The following D2HGDH variants were observed in gnomAD, a reference collection of about 807,000 sequenced individuals.
D2HGDH encodes D-2-hydroxyglutarate dehydrogenase, mitochondrial.
In D2HGDH, 31 loss-of-function variants were observed where a neutral mutation model predicts 46.9. The ratio of observed to expected loss-of-function variants is 0.66; its 90% CI spans 0.50 to 0.89. The LOEUF (loss-of-function observed/expected upper bound fraction) is 0.89, where lower values mean the gene tolerates loss of function less well. Among genes scored for constraint, D2HGDH ranks in the 40% least tolerant of loss-of-function variants. D2HGDH has a pLI of 0.00. For missense variants in D2HGDH, 698 were observed against 720.8 expected (o/e 0.97, Z 0.36); for synonymous variants, 364 against 332.6 (o/e 1.09, Z -1.03).
At chr2:241,736,594 T>C (rs1692892635) in intron 2 of D2HGDH, among the ~76,000 whole-genome samples, 1 of 152,226 alleles carries the variant, frequency 6.6e-6, no homozygotes, top group Admixed American at 6.5e-5. Flanking sequence ...TCTCATTGGA[T>C]TGAGGGCCCA....
intron 9 of D2HGDH, among the ~76,000 whole-genome samples, chr2:241,761,322 G>A (rs989843671): frequency 1.3e-5 from 2 of 151,988 alleles, no homozygotes; most frequent in Non-Finnish European, 2.9e-5. Flanking sequence ...GTGGATCACC[G>A]GAGGTCAGGA....
Position 241,767,697 on chromosome 2 carries a change from C to G in D2HGDH, c.1307-13C>G. On this transcript the variant is annotated splice_polypyrimidine_tract_variant and intron_variant, in intron 9 of 9. Transcript: ENST00000321264. Reference sequence around the variant, plus strand: ...CCCTGCCCAGCCTGACCCATGTGCCCTTGTCCCTCCAGGAGATGGTAACCT... The same window carrying G: ...CCCTGCCCAGCCTGACCCATGTGCCGTTGTCCCTCCAGGAGATGGTAACCT... 6.2e-7 allele frequency: 1 copy of G among 1,612,538 alleles called. No homozygotes were observed. The highest frequency in any genetic ancestry group is 1.1e-5 in the South Asian group (1 of 91,042).
At chr2:241,738,557 G>A (rs576493051) in intron 2 of D2HGDH, among the ~76,000 whole-genome samples, 135 of 152,112 alleles carry the variant, frequency 8.9e-4, no homozygotes, top group African/African-American at 3.1e-3. Flanking sequence ...TGCAGGAGCG[G>A]GGAGGAAGCT....
intron 9 of D2HGDH, among the ~76,000 whole-genome samples, chr2:241,760,675 G>T (rs1191333426): frequency 1.3e-5 from 2 of 151,358 alleles, no homozygotes; most frequent in South Asian, 4.2e-4. Context: ...TCAGTCGAAG[G>T]ACTTCGACAC....
intron 9 of D2HGDH, among the ~76,000 whole-genome samples, chr2:241,761,574 T>C (rs912821837): frequency 2.0e-5 from 3 of 152,182 alleles, no homozygotes; most frequent in Non-Finnish European, 2.9e-5. Flanking sequence ...GTGTGTAGTT[T>C]ATATGCAAAT....
intron 6 of D2HGDH, among the ~76,000 whole-genome samples, chr2:241,748,428 C>T (rs984337779): frequency 3.3e-5 from 5 of 152,168 alleles, no homozygotes; most frequent in Non-Finnish European, 5.9e-5. Context: ...GCCTCTTCAG[C>T]GGTTTCTTTG....
intron 6 of D2HGDH, among the ~76,000 whole-genome samples, chr2:241,745,905 T>C (rs1695742456): frequency 6.6e-6 from 1 of 152,236 alleles, no homozygotes; most frequent in African/African-American, 2.4e-5. Flanking sequence ...GCCTCCTCGC[T>C]GTTGGGAACT....
At chr2:241,749,705 T>C in intron 6 of D2HGDH, 1 of 332,612 alleles carries the variant, frequency 3.0e-6, no homozygotes, top group South Asian at 2.4e-5. Flanking sequence ...TCTCAGGTGC[T>C]GTGTGGTTCT....
chr2:241,756,365 G>T (rs1330386482), intron 9 of D2HGDH, among the ~76,000 whole-genome samples: 1 of 152,214 alleles, frequency 6.6e-6, no homozygotes, highest in Non-Finnish European at 1.5e-5. Context: ...CCTCTCACAG[G>T]GCCCGGCCCC....
rs1212525534 is a variant in D2HGDH, at chr2:241,768,783, T to C, written c.*814T>C. The stretch of plus-strand genomic sequence containing the variant: ...GATGCACATCTCATTCTGTCATGAA[T>C]GTCCAGTAAAAATCTGAATTGGTTG... On this transcript the variant is annotated 3_prime_UTR_variant, in exon 10 of 10. Coordinates refer to ENST00000321264, the MANE Select transcript of D2HGDH (RefSeq NM_152783.5). The C allele has an allele frequency of 6.6e-6, 1 of 152,276 alleles. No homozygotes were observed. The highest frequency in any genetic ancestry group is 1.9e-4 in the East Asian group (1 of 5,198). The allele number at this position is 152,276 out of a possible 1,614,324, so 9.4% of individuals were successfully genotyped here.
At chr2:241,757,959 CAA>C (rs534217783) in intron 9 of D2HGDH, among the ~76,000 whole-genome samples, 26 of 83,252 alleles carry the variant, frequency 3.1e-4, no homozygotes, top group Admixed American at 2.6e-4. Context: ...AACTCCATCT[CAA>C]AAAAAAAAAA....
intron 2 of D2HGDH, among the ~76,000 whole-genome samples, chr2:241,740,710 G>T (rs968906254): frequency 1.6e-4 from 24 of 152,318 alleles, no homozygotes; most frequent in African/African-American, 5.8e-4. Flanking sequence ...ACTTTGGGAG[G>T]CCGCAGTGGG....
At chr2:241,760,692 G>A (rs1428777552) in intron 9 of D2HGDH, among the ~76,000 whole-genome samples, 4 of 152,200 alleles carry the variant, frequency 2.6e-5, no homozygotes, top group African/African-American at 7.2e-5. Context: ...ACACAGCGTG[G>A]GTGGGCCTTA....
chr2:241,745,775 G>A (rs571252678), intron 6 of D2HGDH, among the ~76,000 whole-genome samples: 47 of 152,186 alleles, frequency 3.1e-4, no homozygotes, highest in African/African-American at 1.1e-3. Context: ...CACTTCTGGC[G>A]TGTCTGAAAA....
intron 6 of D2HGDH, among the ~76,000 whole-genome samples, chr2:241,745,687 G>A (rs1339089287): frequency 1.3e-5 from 2 of 152,122 alleles, no homozygotes; most frequent in Admixed American, 6.6e-5. Context: ...TCTTGTGTCC[G>A]ATCTTCTGTC....
chr2:241,758,370 C>G (rs62192029), intron 9 of D2HGDH, among the ~76,000 whole-genome samples: 1 of 152,184 alleles, frequency 6.6e-6, no homozygotes, highest in Non-Finnish European at 1.5e-5. Flanking sequence ...TTAGGACTTT[C>G]AAGCTTTCCT....
intron 6 of D2HGDH, 101 bp downstream of exon 6, chr2:241,744,978 C>CCCA (rs1695474711): frequency 3.5e-6 from 5 of 1,421,546 alleles, no homozygotes; most frequent in Non-Finnish European, 4.9e-6. Context: ...AGGGACCCCC[C>CCCA]GCCAAGGACA....
At chr2:241,752,285 T>C (rs563447999) in intron 8 of D2HGDH, among the ~76,000 whole-genome samples, 1 of 152,256 alleles carries the variant, frequency 6.6e-6, no homozygotes, top group East Asian at 1.9e-4. Context: ...TGGGCTCACT[T>C]GTGTGTCCTG....
chr2:241,764,817 T>C (rs1256468676), intron 9 of D2HGDH, among the ~76,000 whole-genome samples: 1 of 152,228 alleles, frequency 6.6e-6, no homozygotes, highest in Admixed American at 6.5e-5. Context: ...GCCCTTGAGC[T>C]GGTTTCTGGC....
Sources: gnomAD v4.1 joint callset for allele counts (sites outside exome capture counted in the v4.1 genomes callset) on GRCh38, gnomAD v4.1.1 for gene constraint, MANE v1.5 for transcripts, NCBI Gene and HGNC (gene_info 2026-07-23, HGNC 2026-07-21) for gene names.